CELSR1: variants seen among roughly 807,000 people sequenced by gnomAD.
CELSR1 encodes cadherin EGF LAG seven-pass G-type receptor 1, also known as adhesion G protein-coupled receptor C1.
CELSR1 carries 110 observed loss-of-function variants against 249.1 expected under a neutral mutation model. The ratio of observed to expected loss-of-function variants is 0.44; its 90% CI spans 0.38 to 0.52. The LOEUF (loss-of-function observed/expected upper bound fraction) is 0.52, where lower values mean the gene tolerates loss of function less well. CELSR1 is among the 20% of genes least tolerant of loss of function. The probability of loss-of-function intolerance (pLI) is 0.00; values close to 1 mark genes in which losing one functional copy is unlikely to be tolerated. For missense variants in CELSR1, 4,109 were observed against 4,296.4 expected, an observed-to-expected ratio of 0.96 and a Z score of 1.22; for synonymous variants, 2,113 against 1,900.0, an observed-to-expected ratio of 1.11 and a Z score of -2.92.
rs1271755941 is a variant in CELSR1 at position 46,399,110 on chromosome 22, TG to T, written c.5413-474del. Among the ~76,000 whole-genome samples the T allele has an allele frequency of 2.0e-5, 3 of 152,206 alleles. No homozygotes were observed. The highest frequency in any genetic ancestry group is 7.2e-5 in the African/African-American group (3 of 41,448). On this transcript the variant is annotated intron_variant, in intron 10 of 34. Transcript: ENST00000674500. This position sits in a 1 kb window ranked among gnomAD's most constrained non-coding sequence, Gnocchi z 5.0. Reference sequence around the variant, plus strand: ...CAGGTCTGTGTTGTAAGATGAGCCTTGGCTCCAAGAGCTCTTGGAGATCCCA... The same window carrying T: ...CAGGTCTGTGTTGTAAGATGAGCCTTGCTCCAAGAGCTCTTGGAGATCCCA...
chr22:46,466,693 T>C (rs1310321198), intron 1 of CELSR1, among the ~76,000 whole-genome samples: 1 of 152,208 alleles, frequency 6.6e-6, no homozygotes, highest in Admixed American at 6.5e-5. Flanking sequence ...AGTCGACTCA[T>C]AGACCAACCG....
In CELSR1 at chr22:46,366,402, G is replaced by A; in HGVS notation, c.8284C>T (p.Leu2762=). ...CGGCCTGACCTGACGATGCTGTCCA[G>A]CGAGGCGGTGGACTCGCCCAAGTCT... ...RTDLGESTAS[L]DSIVRDEGIQ... The change falls in exon 30 of 35, where the codon CTG becomes TTG. Residue 2762 remains leucine (L), a synonymous_variant. Transcript: ENST00000674500. 1.3e-6 allele frequency: 2 copies of A among 1,549,500 alleles called. No individual in the cohort carries two copies. The highest frequency in any genetic ancestry group is 1.7e-6 in the Non-Finnish European group (2 of 1,146,372).
At position 46,367,132 on chromosome 22, in the gene CELSR1, G is replaced by A. The variant is rs781246009; in HGVS notation, c.8080-14C>T. ...GACGAAGGGGCCCTGGAGGGAGGAA[G>A]GTGGGGTCAGCACCTGCTGCTGCCT... On this transcript the variant is annotated splice_polypyrimidine_tract_variant and intron_variant, in intron 28 of 34. Coordinates refer to ENST00000674500, the MANE Select transcript of CELSR1 (RefSeq NM_001378328.1). The A allele has an allele frequency of 1.2e-6, 2 of 1,608,620 alleles. No individual in the cohort carries two copies. Among genetic ancestry groups the A allele is most frequent in the South Asian group, 1.1e-5 (1 of 90,376 alleles).
rs2147407104 is a variant in CELSR1, at chr22:46,427,532, A to C, written c.4611+5861T>G. Among the ~76,000 whole-genome samples, 1 of 152,352 alleles carries C rather than the reference A, an allele frequency of 6.6e-6. No homozygotes were observed. Among genetic ancestry groups the C allele is most frequent in the East Asian group, 1.9e-4 (1 of 5,190 alleles). Reference sequence around the variant, plus strand: ...GGGCGACAGAGCGGGACTCCATCTCAAAAATAAAATAAATAAAATACACCC... The same window carrying C: ...GGGCGACAGAGCGGGACTCCATCTCCAAAATAAAATAAATAAAATACACCC... On this transcript the variant is annotated intron_variant, in intron 5 of 34. Transcript: ENST00000674500. The surrounding 1 kb of genome is among the most constrained non-coding windows in gnomAD (Gnocchi z 4.2).
chr22:46,459,696 C>A (rs978910071), intron 2 of CELSR1, among the ~76,000 whole-genome samples: 1 of 152,248 alleles, frequency 6.6e-6, no homozygotes, highest in Non-Finnish European at 1.5e-5. Context: ...CCACCCCCAG[C>A]TGTGACAACC....
At chr22:46,513,574 C>G (rs534826244) in intron 1 of CELSR1, among the ~76,000 whole-genome samples, 1 of 152,222 alleles carries the variant, frequency 6.6e-6, no homozygotes, top group African/African-American at 2.4e-5. Context: ...CATAATGAGA[C>G]ACTGCCTGTA....
chr22:46,378,509 G>A, intron 23 of CELSR1, 82 bp downstream of exon 23: 12 of 1,474,780 alleles, frequency 8.1e-6, no homozygotes, highest in Non-Finnish European at 1.1e-5. Flanking sequence ...GGGCAGGTTT[G>A]GCGGGGAGGT....
At chr22:46,524,465 G>A (rs182672994) in intron 1 of CELSR1, among the ~76,000 whole-genome samples, 149 of 152,218 alleles carry the variant, frequency 9.8e-4, no homozygotes, top group African/African-American at 3.2e-3. Flanking sequence ...GGGCGAAGTC[G>A]GTGTGTCGGG....
At position 46,434,304 on chromosome 22, in the gene CELSR1, G is replaced by T. The variant is rs1472574936; in HGVS notation, c.4523-823C>A. Among the ~76,000 whole-genome samples the T allele has an allele frequency of 6.6e-6, 1 of 152,208 alleles. No homozygotes were observed. Among genetic ancestry groups the T allele is most frequent in the Non-Finnish European group, 1.5e-5 (1 of 68,046 alleles). On this transcript the variant is annotated intron_variant, in intron 4 of 34. Transcript: ENST00000674500. The surrounding 1 kb of genome is among the most constrained non-coding windows in gnomAD (Gnocchi z 4.9). Reference sequence around the variant, plus strand: ...AGTGGGGCGGGCGAGTCCCTTTGGGGATTCTGGGGCACAACCCTGAGTCAG... The same window carrying T: ...AGTGGGGCGGGCGAGTCCCTTTGGGTATTCTGGGGCACAACCCTGAGTCAG...
chr22:46,505,338 A>G (rs2080505352), intron 1 of CELSR1, among the ~76,000 whole-genome samples: 2 of 150,698 alleles, frequency 1.3e-5, no homozygotes, highest in Non-Finnish European at 1.5e-5. Flanking sequence ...AACATCCTTA[A>G]AAAGCAACTT....
At position 46,366,557 on chromosome 22, in the gene CELSR1, A is replaced by C. The variant is rs910645927; in HGVS notation, c.8206-77T>G. On this transcript the variant is annotated intron_variant, in intron 29 of 34. Transcript: ENST00000674500. Reference sequence around the variant, plus strand: ...CACCACGGGGAATGACTCTGTCCCCACGGCAAGCCCCCCACACCCACACCC... The same window carrying C: ...CACCACGGGGAATGACTCTGTCCCCCCGGCAAGCCCCCCACACCCACACCC... 4.2e-6 allele frequency: 5 copies of C among 1,193,774 alleles called. No homozygotes were observed. In the South Asian group the frequency reaches 5.3e-5, roughly 13 times the overall value. 73.9% of individuals were successfully genotyped at this position (1,193,774 alleles called of 1,614,324 possible).
intron 5 of CELSR1, among the ~76,000 whole-genome samples, chr22:46,421,479 AT>A (rs891813216): frequency 8.5e-5 from 13 of 152,144 alleles, no homozygotes; most frequent in African/African-American, 2.4e-4. Context: ...GCCTCCGAGA[AT>A]CACCACGTTT....
chr22:46,478,704 A>G lies in CELSR1; in HGVS notation c.3545-14359T>C, dbSNP rs567889944. On this transcript the variant is annotated intron_variant, in intron 1 of 34. Transcript: ENST00000674500. ...ATTACAGGTGCGTGCCACCATGCCC[A>G]GCTAAAATTTTTTTTTTTTTGGTAT... is the stretch of plus-strand genomic sequence containing the variant. Among the ~76,000 whole-genome samples the G allele has an allele frequency of 5.3e-5, 6 of 112,324 alleles. No homozygotes were observed. The South Asian group carries it at 2.1e-3, about 39-fold the overall frequency. 73.7% of individuals were successfully genotyped at this position (112,324 alleles called of 152,430 possible). A position where few individuals can be genotyped will look rare whatever the true frequency, so the allele number is the denominator to read the frequency against.
Position 46,445,434 on chromosome 22 carries a change from C to T in CELSR1, c.4184-6023G>A, listed in dbSNP as rs967619204. On this transcript the variant is annotated intron_variant, in intron 2 of 34. Transcript: ENST00000674500. This position sits in a 1 kb window ranked among gnomAD's most constrained non-coding sequence, Gnocchi z 4.4. ...TCTTGAATCCAGGAGGTAGAGATTG[C>T]GGTGAACCAAAAATTGCACCATTGC... is the stretch of plus-strand genomic sequence containing the variant. Among the ~76,000 whole-genome samples the T allele has an allele frequency of 5.3e-5, 8 of 152,094 alleles. No homozygotes were observed. The highest frequency in any genetic ancestry group is 7.4e-5 in the Non-Finnish European group (5 of 68,016).
In CELSR1 at chr22:46,533,944, G is replaced by C. The variant is rs2080820238; in HGVS notation, c.3227C>G (p.Ala1076Gly). The part of the protein sequence containing the change: ...VRREYVLVVQ[A>G]TSAPLVSRAT... ...TCGGCTCACCAGCGGAGCCGACGTG[G>C]CCTGCACCACCAGCACATACTCCCG... The change falls in exon 1 of 35, where the codon GCC becomes GGC. Residue 1076 changes from alanine (A) to glycine (G), a missense_variant. This residue lies in a region of CELSR1 where 886 missense variants were observed against 896.5 expected (regional missense o/e 0.99). Transcript: ENST00000674500. 1.2e-6 allele frequency: 2 copies of C among 1,613,056 alleles called. No individual in the cohort carries two copies. Among genetic ancestry groups the C allele is most frequent in the South Asian group, 1.1e-5 (1 of 91,092 alleles).
chr22:46,477,387 C>T (rs908007020), intron 1 of CELSR1, among the ~76,000 whole-genome samples: 2 of 152,188 alleles, frequency 1.3e-5, no homozygotes, highest in Non-Finnish European at 2.9e-5. Flanking sequence ...TGAAGGCATT[C>T]GTTTCCTGAA....
chr22:46,469,411 G>C (rs1267346250), intron 1 of CELSR1, among the ~76,000 whole-genome samples: 1 of 152,172 alleles, frequency 6.6e-6, no homozygotes, highest in Non-Finnish European at 1.5e-5. Context: ...TGGGTCCCTC[G>C]ATGGAGGACC....
rs781694964 is a variant in CELSR1 at position 46,364,165 on chromosome 22, C to T, written c.8866G>A (p.Asp2956Asn). The T allele has an allele frequency of 1.7e-5, 28 of 1,612,200 alleles. No homozygotes were observed. The highest frequency in any genetic ancestry group is 1.5e-4 in the African/African-American group (11 of 74,944). Reference sequence around the variant, plus strand: ...GAGGATGTGGGGCTCTGCTCACAGTCGGCCAGCTTCTCCCGGAGCCGGCCC... The same window carrying T: ...GAGGATGTGGGGCTCTGCTCACAGTTGGCCAGCTTCTCCCGGAGCCGGCCC... The part of the protein sequence containing the change: ...LKGRLREKLA[D>N]CEQSPTSSRT... The change falls in exon 34 of 35, where the codon GAC becomes AAC. Residue 2956 changes from aspartate to asparagine, a missense_variant. Transcript: ENST00000674500.
rs552037712 is a variant in CELSR1 at position 46,528,100 on chromosome 22, C to CAA, written c.3544+5525_3544+5526dup. ...CCTGGGAGACAGAGCAAGACTGTCT[C>CAA]AAAAAAAAAAAAAAAAAGGTCCGAT... On this transcript the variant is annotated intron_variant, in intron 1 of 34. Transcript: ENST00000674500. Among the ~76,000 whole-genome samples the CAA allele has an allele frequency of 6.1e-5, 5 of 81,690 alleles. 1 individual carries two copies. The highest frequency in any genetic ancestry group is 1.3e-4 in the Admixed American group (1 of 7,740). 53.6% of individuals were successfully genotyped at this position (81,690 alleles called of 152,430 possible).
Sources: gnomAD v4.1 joint callset for allele counts (sites outside exome capture counted in the v4.1 genomes callset) on GRCh38, gnomAD v4.1.1 for gene constraint, gnomAD v4.1.1 regional missense constraint, Gnocchi (gnomAD v3.1) non-coding constraint, MANE v1.5 for transcripts, NCBI Gene and HGNC (gene_info 2026-07-23, HGNC 2026-07-21) for gene names.